OGT: variants seen among roughly 807,000 people sequenced by gnomAD.
OGT encodes the protein O-linked N-acetylglucosamine (GlcNAc) transferase.
OGT carries 3 observed loss-of-function variants against 75.8 expected under a neutral mutation model. That is an observed-to-expected ratio of 0.04 (90% CI 0.02 to 0.10). The LOEUF (loss-of-function observed/expected upper bound fraction) is 0.10. Ranked by LOEUF, OGT falls within the 10% of genes least tolerant of loss-of-function variation. The probability of loss-of-function intolerance (pLI) is 1.00; values close to 1 mark genes in which losing one functional copy is unlikely to be tolerated. For missense variants in OGT, 260 were observed against 824.4 expected (o/e 0.32, Z 8.38); for synonymous variants, 257 against 289.7 (o/e 0.89, Z 1.15).
At position 71,559,385 on chromosome X, in the gene OGT, T is replaced by C; in HGVS notation, c.1721T>C (p.Met574Thr). The C allele has an allele frequency of 8.3e-7, 1 of 1,211,176 alleles. No individual in the cohort carries two copies. Among genetic ancestry groups the C allele is most frequent in the Non-Finnish European group, 1.1e-6 (1 of 894,897 alleles). Residue 574 changes from methionine to threonine, a missense_variant, in exon 13 of 22, where the codon ATG (methionine) becomes ACG (threonine). Coordinates refer to ENST00000373719, the MANE Select transcript of OGT (RefSeq NM_181672.3). ...GGGAATCATCCTACTTCTCACCTTA[T>C]GCAGTCTATTCCAGGCATGCACAAT... ...DFGNHPTSHL[M>T]QSIPGMHNPD...
chrX:71,548,530 A>G (rs951078056), intron 5 of OGT, among the ~76,000 whole-genome samples: 1 of 112,401 alleles, frequency 8.9e-6, no homozygotes, highest in Non-Finnish European at 1.9e-5. Context: ...CTAGATGCCC[A>G]TCAACGGTGG....
intron 3 of OGT, 152 bp downstream of exon 3, chrX:71,538,224 T>C (rs2040193435): frequency 1.7e-6 from 1 of 588,440 alleles, no homozygotes; most frequent in East Asian, 3.7e-5. Context: ...TGCTTTTAGC[T>C]GGTCTGCGTT....
chrX:71,543,918 C>G (rs928517451), intron 3 of OGT, among the ~76,000 whole-genome samples: 1 of 108,803 alleles, frequency 9.2e-6, no homozygotes, highest in African/African-American at 3.3e-5. Context: ...TCCCAAATAG[C>G]TGGGATTACA....
At chrX:71,568,800 C>T (rs1212814074) in intron 21 of OGT, among the ~76,000 whole-genome samples, 5 of 108,023 alleles carry the variant, frequency 4.6e-5, no homozygotes, top group African/African-American at 1.7e-4. Flanking sequence ...TGCACTCCAG[C>T]CTGGGTGACA....
intron 21 of OGT, among the ~76,000 whole-genome samples, chrX:71,569,377 G>C (rs192638123): frequency 8.9e-6 from 1 of 112,074 alleles, no homozygotes; most frequent in African/African-American, 3.2e-5. Flanking sequence ...TCTTCACTAC[G>C]GTCGGTGTAA....
At chrX:71,548,808 A>G (rs1422236294) in intron 5 of OGT, among the ~76,000 whole-genome samples, 1 of 111,132 alleles carries the variant, frequency 9.0e-6, no homozygotes, top group East Asian at 2.8e-4. Flanking sequence ...ACCAGGTACT[A>G]TGTTCACTAC....
chrX:71,552,476 C>T (rs758714866), intron 5 of OGT, among the ~76,000 whole-genome samples: 3 of 105,404 alleles, frequency 2.8e-5, no homozygotes, highest in East Asian at 6.2e-4. Flanking sequence ...GCAACCTTCA[C>T]CTCCCAGGCT....
At chrX:71,560,052 C>T (rs186902265) in intron 14 of OGT, among the ~76,000 whole-genome samples, 70 of 110,108 alleles carry the variant, frequency 6.4e-4, no homozygotes, top group Non-Finnish European at 1.2e-3. Flanking sequence ...GAGGTCGAGG[C>T]GGGCAGATCA....
chrX:71,563,647 G>T, intron 18 of OGT, 148 bp downstream of exon 18: 1 of 445,344 alleles, frequency 2.2e-6, no homozygotes, highest in South Asian at 5.7e-5. Context: ...TCTTATATAG[G>T]TGTGTCTGAT....
chrX:71,555,761 A>G, intron 7 of OGT, 193 bp from the exon 8 acceptor site: 1 of 469,819 alleles, frequency 2.1e-6, no homozygotes, highest in South Asian at 4.5e-5. Context: ...GCAAAAAAGG[A>G]AAGTCTTTTG....
At chrX:71,556,640 C>A (rs1397087046) in intron 8 of OGT, 40 bp from the exon 9 acceptor site, 1 of 901,325 alleles carries the variant, frequency 1.1e-6, no homozygotes, top group East Asian at 3.4e-5. Context: ...GCTGCTTTAG[C>A]AATTTTTTTA....
chrX:71,535,373 G>T (rs1409497949), intron 1 of OGT, among the ~76,000 whole-genome samples: 2 of 111,698 alleles, frequency 1.8e-5, no homozygotes, highest in East Asian at 5.6e-4. Context: ...GAGCTGTTTG[G>T]AAAATGTTAG....
chrX:71,536,106 A>T (rs1292257945), intron 1 of OGT, 72 bp from the exon 2 acceptor site: 2 of 944,926 alleles, frequency 2.1e-6, no homozygotes, highest in Non-Finnish European at 2.9e-6. Flanking sequence ...ATATTTTTAC[A>T]TTTTTTTGGT....
chrX:71,541,071 T>C (rs778717945), intron 3 of OGT, among the ~76,000 whole-genome samples: 36 of 112,098 alleles, frequency 3.2e-4, no homozygotes, highest in African/African-American at 1.1e-3. Context: ...TACCTGGCAA[T>C]TCCTTTTGCA....
At chrX:71,563,288 G>T (rs747097920) in intron 17 of OGT, 41 bp from the exon 18 acceptor site, 2 of 1,199,488 alleles carry the variant, frequency 1.7e-6, no homozygotes, top group Non-Finnish European at 2.3e-6. Context: ...AAAGTTAACT[G>T]CATTCACGAT....
rs753890037 is a variant in OGT at position 71,557,563 on chromosome X, A to G, written c.1493A>G (p.Glu498Gly). ...KLVSIVADQL[E>G]KNRLPSVHPH... ...GTCAGTATTGTGGCTGACCAGTTAG[A>G]GAAGAATAGGTTGCCTTCTGTGCAT... The change falls in exon 12 of 22, where the codon GAG becomes GGG. Residue 498 changes from glutamate to glycine, a missense_variant. Transcript: ENST00000373719. 4 of 1,210,529 alleles carry G rather than the reference A, an allele frequency of 3.3e-6. No individual in the cohort carries two copies. In the East Asian group the frequency reaches 8.9e-5, roughly 27 times the overall value.
chrX:71,536,530 C>G, intron 2 of OGT, 172 bp downstream of exon 2: 2 of 369,109 alleles, frequency 5.4e-6, no homozygotes, highest in Non-Finnish European at 9.1e-6. Context: ...CAGTTTTTCT[C>G]CTTCCTTTTG....
chrX:71,564,968 C>A (rs1199843273), intron 19 of OGT, among the ~76,000 whole-genome samples: 1 of 111,233 alleles, frequency 9.0e-6, no homozygotes, highest in Admixed American at 9.6e-5. Flanking sequence ...ACCAGCCTGA[C>A]CAACATTGCA....
At chrX:71,548,200 A>T (rs183337698) in intron 5 of OGT, among the ~76,000 whole-genome samples, 177 bp downstream of exon 5, 1 of 112,085 alleles carries the variant, frequency 8.9e-6, no homozygotes, top group East Asian at 2.8e-4. Flanking sequence ...CAACTTGACA[A>T]TGGTGCAAAA....
Sources: allele counts gnomAD v4.1 joint callset (sites outside exome capture counted in the v4.1 genomes callset), GRCh38; gene constraint gnomAD v4.1.1; transcripts MANE v1.5; gene names NCBI Gene and HGNC (gene_info 2026-07-23, HGNC 2026-07-21).